Variants in MBNL2 observed in about 807,000 individuals in gnomAD.
MBNL2 encodes muscleblind like splicing regulator 2, also known as muscleblind-like protein 2.
MBNL2 carries 17 observed loss-of-function variants against 41.9 expected under a neutral mutation model. The ratio of observed to expected loss-of-function variants is 0.41; its 90% CI spans 0.28 to 0.61. The LOEUF is 0.61. Ranked by LOEUF, MBNL2 falls within the 20% of genes least tolerant of loss-of-function variation. MBNL2 has a pLI of 0.35. For synonymous variants in MBNL2, 195 were observed against 182.9 expected (o/e 1.07, Z -0.53); for missense variants, 336 against 505.6 (o/e 0.66, Z 3.22).
intron 2 of MBNL2, among the ~76,000 whole-genome samples, chr13:97,310,392 G>C (rs933182262): frequency 4.6e-5 from 7 of 151,814 alleles, no homozygotes; most frequent in African/African-American, 1.7e-4. Flanking sequence ...GTGTGTATGT[G>C]AGTGAGATTT....
chr13:97,294,240 C>T (rs1358370421), intron 2 of MBNL2, among the ~76,000 whole-genome samples: 1 of 152,126 alleles, frequency 6.6e-6, no homozygotes, highest in Non-Finnish European at 1.5e-5. Context: ...GTTTCCAAAA[C>T]CCCTCACCAA....
intron 2 of MBNL2, among the ~76,000 whole-genome samples, chr13:97,332,585 A>T (rs188363230): frequency 1.5e-4 from 23 of 152,352 alleles, no homozygotes; most frequent in African/African-American, 5.5e-4. Flanking sequence ...AATTTTAAAA[A>T]GATTCAGTTT....
At chr13:97,338,973 A>G (rs2061137607) in intron 3 of MBNL2, among the ~76,000 whole-genome samples, 1 of 152,154 alleles carries the variant, frequency 6.6e-6, no homozygotes, top group Non-Finnish European at 1.5e-5. Context: ...CTGCTACAAA[A>G]TAGCAAAGAA....
At chr13:97,211,099 A>G in the MBNL2 span, among the ~76,000 whole-genome samples, 1 of 152,166 alleles carries the variant, frequency 6.6e-6, no homozygotes, top group Admixed American at 6.5e-5. Flanking sequence ...AGGAGCCACA[A>G]ACTTCCAGGG....
chr13:97,236,761 C>T lies in MBNL2; in HGVS notation c.-605+14230C>T, dbSNP rs1466146526. ...GCTTATCATTCTACCCTGGACCAGACGGAAGTTAATGCTCCAAATTAGAAA... is the reference window on the plus strand; with the variant it reads ...GCTTATCATTCTACCCTGGACCAGATGGAAGTTAATGCTCCAAATTAGAAA... On this transcript the variant is annotated intron_variant, in intron 1 of 8. Coordinates refer to ENST00000679496, the MANE Select transcript of MBNL2 (RefSeq NM_001382683.1). Among the ~76,000 whole-genome samples the T allele has an allele frequency of 5.3e-5, 8 of 152,218 alleles. No individual in the cohort carries two copies. In the East Asian group the frequency reaches 5.8e-4, roughly 11 times the overall value.
Position 97,357,568 on chromosome 13 carries a change from C to T in MBNL2, c.945C>T (p.Ser315=), listed in dbSNP as rs1219437627. 4.3e-6 allele frequency: 7 copies of T among 1,613,788 alleles called. No homozygotes were observed. Among genetic ancestry groups the T allele is most frequent in the South Asian group, 3.3e-5 (3 of 91,078 alleles). ...GTACCAGCGCGGTCTTTAACCCCAG[C>T]GTCTTGCACTACCAGCAGGCTCTCA... is the stretch of plus-strand genomic sequence containing the variant. ...SNGTSAVFNP[S]VLHYQQALTS... Residue 315 remains serine, a synonymous_variant, in exon 7 of 9, where the codon AGC becomes AGT. Coordinates refer to ENST00000679496, the MANE Select transcript of MBNL2 (RefSeq NM_001382683.1).
At chr13:97,326,335 A>G (rs980424852) in intron 2 of MBNL2, among the ~76,000 whole-genome samples, 1 of 152,204 alleles carries the variant, frequency 6.6e-6, no homozygotes, top group African/African-American at 2.4e-5. Flanking sequence ...AATATTCCTT[A>G]TATCATTCTA....
chr13:97,159,657 G>A, the MBNL2 span, among the ~76,000 whole-genome samples: 2 of 149,308 alleles, frequency 1.3e-5, no homozygotes, highest in Admixed American at 1.3e-4. Context: ...CACTTATGAA[G>A]CTTAGTTTGG....
intron 1 of MBNL2, among the ~76,000 whole-genome samples, chr13:97,265,865 CAGAG>C (rs933184244): frequency 6.6e-6 from 1 of 151,992 alleles, no homozygotes; most frequent in African/African-American, 2.4e-5. Context: ...TATTCAGAGG[CAGAG>C]AGAGTAGAGT....
the MBNL2 span, among the ~76,000 whole-genome samples, chr13:97,210,692 A>C: frequency 2.9e-5 from 4 of 139,710 alleles, no homozygotes; most frequent in Non-Finnish European, 6.0e-5. Flanking sequence ...TCCCAGGTTC[A>C]AGTGATTCTC....
At chr13:97,310,956 A>G (rs1396780384) in intron 2 of MBNL2, among the ~76,000 whole-genome samples, 1 of 152,180 alleles carries the variant, frequency 6.6e-6, no homozygotes, top group African/African-American at 2.4e-5. Flanking sequence ...GATAAAAATC[A>G]ATGTAATATG....
intron 2 of MBNL2, among the ~76,000 whole-genome samples, chr13:97,321,398 T>A (rs148736163): frequency 6.6e-4 from 101 of 152,270 alleles, no homozygotes; most frequent in Middle Eastern, 3.4e-3. Context: ...ACTTGACATT[T>A]AACAGGCTTG....
intron 2 of MBNL2, among the ~76,000 whole-genome samples, chr13:97,323,801 ATAG>A (rs1249333613): frequency 6.6e-6 from 1 of 152,170 alleles, no homozygotes; most frequent in African/African-American, 2.4e-5. Flanking sequence ...TTGTGGGTAC[ATAG>A]TAGGTGTATA....
intron 1 of MBNL2, among the ~76,000 whole-genome samples, chr13:97,259,358 G>A (rs1030137999): frequency 1.3e-5 from 2 of 152,086 alleles, no homozygotes; most frequent in Middle Eastern, 3.2e-3. Flanking sequence ...TTCACAGTCC[G>A]GGGCATAAGC....
At chr13:97,317,422 A>T (rs905316143) in intron 2 of MBNL2, among the ~76,000 whole-genome samples, 2 of 152,230 alleles carry the variant, frequency 1.3e-5, no homozygotes, top group Non-Finnish European at 2.9e-5. Flanking sequence ...TATTGGGGTC[A>T]TCTGAAGGAG....
intron 8 of MBNL2, among the ~76,000 whole-genome samples, chr13:97,368,713 T>C (rs1426082827): frequency 6.6e-6 from 1 of 151,698 alleles, no homozygotes; most frequent in African/African-American, 2.4e-5. Context: ...TGTGTGTGTG[T>C]GTGTGTGTGT....
At chr13:97,257,832 T>C (rs976792489) in intron 1 of MBNL2, among the ~76,000 whole-genome samples, 1 of 152,222 alleles carries the variant, frequency 6.6e-6, no homozygotes, top group African/African-American at 2.4e-5. Flanking sequence ...TTCCATAAAA[T>C]GTGAAGAACC....
chr13:97,158,344 C>G, the MBNL2 span, among the ~76,000 whole-genome samples: 1 of 151,566 alleles, frequency 6.6e-6, no homozygotes, highest in Non-Finnish European at 1.5e-5. Context: ...TTCAAAAAAC[C>G]AGCTCCTGGA....
intron 2 of MBNL2, among the ~76,000 whole-genome samples, chr13:97,325,397 T>A (rs2059827501): frequency 6.6e-6 from 1 of 152,142 alleles, no homozygotes; most frequent in Non-Finnish European, 1.5e-5. Flanking sequence ...ACAAGTAGTA[T>A]GAGAAATTGG....
Sources: allele counts gnomAD v4.1 joint callset (sites outside exome capture counted in the v4.1 genomes callset), GRCh38; gene constraint gnomAD v4.1.1; transcripts MANE v1.5; gene names NCBI Gene and HGNC (gene_info 2026-07-23, HGNC 2026-07-21).